The following CSGALNACT1 variants were observed in gnomAD, a reference collection of about 807,000 sequenced individuals.
The protein encoded by CSGALNACT1 is beta4GalNAcT-1.
CSGALNACT1 carries 52 observed loss-of-function variants against 51.0 expected under a neutral mutation model. The observed-to-expected ratio is 1.02, with a 90% CI of 0.82 to 1.29. The LOEUF (loss-of-function observed/expected upper bound fraction) is 1.29. Ranked by LOEUF, CSGALNACT1 falls within the 50% of genes most tolerant of loss-of-function variation. The probability of loss-of-function intolerance (pLI) is 0.00; values close to 1 mark genes in which losing one functional copy is unlikely to be tolerated. For missense variants in CSGALNACT1, 935 were observed against 679.2 expected, an observed-to-expected ratio of 1.38 and a Z score of -4.19; for synonymous variants, 341 against 254.4, an observed-to-expected ratio of 1.34 and a Z score of -3.24.
chr8:19,735,810 C>T (rs1183013539), intron 1 of CSGALNACT1, among the ~76,000 whole-genome samples: 6 of 152,116 alleles, frequency 3.9e-5, no homozygotes, highest in Non-Finnish European at 7.4e-5. Flanking sequence ...ACAACCTTGA[C>T]AGGTAGAATA....
intron 1 of CSGALNACT1, among the ~76,000 whole-genome samples, chr8:19,722,141 T>C (rs997273829): frequency 1.3e-5 from 2 of 152,322 alleles, no homozygotes; most frequent in East Asian, 3.9e-4. Flanking sequence ...TTATCTATCT[T>C]TTTTTCCTAA....
chr8:19,435,405 A>T (rs1412548405), intron 6 of CSGALNACT1, among the ~76,000 whole-genome samples: 2 of 151,638 alleles, frequency 1.3e-5, no homozygotes, highest in Admixed American at 1.3e-4. Context: ...AGGCAGGAGA[A>T]TTGCTTGAAC....
chr8:19,438,197 C>CGGG (rs913808381), intron 6 of CSGALNACT1, among the ~76,000 whole-genome samples: 16 of 146,234 alleles, frequency 1.1e-4, no homozygotes, highest in East Asian at 4.3e-4. Context: ...GGGCGGGGGT[C>CGGG]GGGGGGCAGC....
chr8:19,433,473 T>C (rs1430000394), intron 6 of CSGALNACT1, among the ~76,000 whole-genome samples: 4 of 152,234 alleles, frequency 2.6e-5, no homozygotes. Flanking sequence ...TTTAAGCTTT[T>C]TGATTAGTCT....
chr8:19,492,171 A>T (rs1357477606), intron 4 of CSGALNACT1, among the ~76,000 whole-genome samples: 1 of 152,228 alleles, frequency 6.6e-6, no homozygotes, highest in Non-Finnish European at 1.5e-5. Context: ...AATGCTAACT[A>T]TATGCGAGAA....
intron 6 of CSGALNACT1, among the ~76,000 whole-genome samples, chr8:19,438,962 C>G (rs193297816): frequency 1.3e-5 from 2 of 152,330 alleles, no homozygotes; most frequent in East Asian, 3.9e-4. Context: ...CTGTTTATAT[C>G]TAAATGATAT....
intron 1 of CSGALNACT1, among the ~76,000 whole-genome samples, chr8:19,675,638 A>C (rs1377216058): frequency 6.6e-6 from 1 of 152,088 alleles, no homozygotes; most frequent in Admixed American, 6.6e-5. Flanking sequence ...GATTACAGGC[A>C]CGTGCCACCA....
chr8:19,448,315 G>A (rs1310806759), intron 5 of CSGALNACT1, among the ~76,000 whole-genome samples: 3 of 152,174 alleles, frequency 2.0e-5, no homozygotes, highest in Non-Finnish European at 4.4e-5. Flanking sequence ...CTCATTGTAG[G>A]AAGAGTTACA....
chr8:19,748,344 A>T (rs2064811661), intron 1 of CSGALNACT1, among the ~76,000 whole-genome samples: 1 of 152,222 alleles, frequency 6.6e-6, no homozygotes, highest in Non-Finnish European at 1.5e-5. Flanking sequence ...CAAGCACCTT[A>T]TCATAGCGAC....
At chr8:19,649,831 A>AAAAAAAAAAC (rs2057631287) in intron 1 of CSGALNACT1, among the ~76,000 whole-genome samples, 1 of 146,490 alleles carries the variant, frequency 6.8e-6, no homozygotes, top group Non-Finnish European at 1.5e-5. Flanking sequence ...AAAAAAAAAA[A>AAAAAAAAAAC]AAAAAAAAAA....
chr8:19,520,820 C>G (rs2080519423), intron 3 of CSGALNACT1, among the ~76,000 whole-genome samples: 2 of 152,152 alleles, frequency 1.3e-5, no homozygotes, highest in African/African-American at 4.8e-5. Flanking sequence ...ATATTATAAC[C>G]ATTTTGCAGA....
chr8:19,708,675 G>C (rs577641222), intron 1 of CSGALNACT1, among the ~76,000 whole-genome samples: 61 of 152,294 alleles, frequency 4.0e-4, no homozygotes, highest in Admixed American at 9.8e-4. Context: ...GCAGGAGATG[G>C]GGAAGACTTC....
At chr8:19,679,290 A>G (rs1474546820) in intron 1 of CSGALNACT1, among the ~76,000 whole-genome samples, 2 of 151,950 alleles carry the variant, frequency 1.3e-5, no homozygotes, top group African/African-American at 4.8e-5. Context: ...CCGTTTCTAC[A>G]AACAAAATAC....
At chr8:19,609,885 G>A (rs1446918101) in intron 1 of CSGALNACT1, among the ~76,000 whole-genome samples, 2 of 152,038 alleles carry the variant, frequency 1.3e-5, no homozygotes, top group African/African-American at 4.8e-5. Context: ...TAAATGATAC[G>A]GAAAGGACGT....
At chr8:19,675,914 C>A (rs111579702) in intron 1 of CSGALNACT1, among the ~76,000 whole-genome samples, 3 of 151,878 alleles carry the variant, frequency 2.0e-5, no homozygotes, top group Non-Finnish European at 2.9e-5. Flanking sequence ...AGATTCACAC[C>A]AGGGCCCAAA....
At chr8:19,627,929 G>A (rs1011873835) in intron 1 of CSGALNACT1, among the ~76,000 whole-genome samples, 30 of 152,176 alleles carry the variant, frequency 2.0e-4, no homozygotes, top group African/African-American at 7.2e-4. Context: ...TCTTGATAAA[G>A]TACTATAACT....
chr8:19,645,131 T>G (rs2057139254), intron 1 of CSGALNACT1, among the ~76,000 whole-genome samples: 1 of 152,192 alleles, frequency 6.6e-6, no homozygotes, highest in Admixed American at 6.5e-5. Flanking sequence ...TATAATTAAT[T>G]TAGGCCTGCT....
At chr8:19,670,424 T>C (rs958563550) in intron 1 of CSGALNACT1, among the ~76,000 whole-genome samples, 1 of 152,136 alleles carries the variant, frequency 6.6e-6, no homozygotes, top group Non-Finnish European at 1.5e-5. Flanking sequence ...TTCACTTTAG[T>C]TTATTAGCTT....
chr8:19,626,565 A>C (rs1327096785), intron 1 of CSGALNACT1, among the ~76,000 whole-genome samples: 2 of 152,204 alleles, frequency 1.3e-5, no homozygotes, highest in Non-Finnish European at 2.9e-5. Flanking sequence ...TGAAAGCATG[A>C]TCAGTAACAT....
Sources: allele counts gnomAD v4.1 joint callset (sites outside exome capture counted in the v4.1 genomes callset), GRCh38; gene constraint gnomAD v4.1.1; transcripts MANE v1.5; gene names NCBI Gene and HGNC (gene_info 2026-07-23, HGNC 2026-07-21).